Variants in TENM2 observed in about 807,000 individuals in gnomAD.
TENM2 encodes the protein teneurin-2.
Under a neutral mutation model 245.2 loss-of-function variants are expected in TENM2, and 52 were observed. The observed-to-expected ratio is 0.21, with a 90% confidence interval of 0.17 to 0.27. TENM2 has a LOEUF of 0.27. Among genes scored for constraint, TENM2 ranks in the 10% least tolerant of loss-of-function variants. TENM2 has a pLI of 1.00. For missense variants in TENM2, 3,046 were observed against 3,666.8 expected (o/e 0.83, Z 4.37); for synonymous variants, 1,363 against 1,438.9 (o/e 0.95, Z 1.19).
chr5:167,212,144 C>T, the TENM2 span, among the ~76,000 whole-genome samples: 4 of 152,046 alleles, frequency 2.6e-5, no homozygotes, highest in Non-Finnish European at 5.9e-5. Flanking sequence ...AGCCAGGAGA[C>T]CATATTTGAA....
chr5:167,572,759 C>A (rs1319494664), intron 2 of TENM2, among the ~76,000 whole-genome samples: 2 of 152,056 alleles, frequency 1.3e-5, no homozygotes, highest in African/African-American at 4.8e-5. Context: ...TTTTCGACTT[C>A]GTGTCAAAAA....
the TENM2 span, among the ~76,000 whole-genome samples, chr5:167,209,366 C>T: frequency 8.6e-5 from 13 of 151,612 alleles, no homozygotes; most frequent in South Asian, 2.1e-4. Flanking sequence ...CAGGTTCAAG[C>T]GATTCTCCTG....
chr5:167,482,378 A>G (rs886561907), intron 2 of TENM2, among the ~76,000 whole-genome samples: 1 of 152,184 alleles, frequency 6.6e-6, no homozygotes, highest in African/African-American at 2.4e-5. Context: ...TGGATGTGCC[A>G]TAATCTGAGT....
In TENM2 at chr5:168,118,932, A is replaced by G. The variant is rs1343425663; in HGVS notation, c.2008+446A>G. Among the ~76,000 whole-genome samples the G allele has an allele frequency of 2.0e-5, 3 of 152,212 alleles. No individual in the cohort carries two copies. In the South Asian group the frequency reaches 6.2e-4, roughly 32 times the overall value. On this transcript the variant is annotated intron_variant, in intron 10 of 28. Transcript: ENST00000518659. ...AGCTATTCAGAGAAAAGAAACAAGA[A>G]TTCCTAAGCCCCTTGCCTCCCTTCC...
chr5:167,370,235 G>A (rs1049570175), intron 1 of TENM2, among the ~76,000 whole-genome samples: 18 of 150,184 alleles, frequency 1.2e-4, no homozygotes, highest in African/African-American at 3.4e-4. Flanking sequence ...CCAGCTACTC[G>A]GGAGGCTGAG....
chr5:168,211,652 A>G (rs2152553595), intron 19 of TENM2, 82 bp from the exon 22 acceptor site: 1 of 943,634 alleles, frequency 1.1e-6, no homozygotes, highest in South Asian at 1.6e-5. Context: ...TATACAAGAA[A>G]CAAAAATGTT....
chr5:167,211,408 C>T, the TENM2 span, among the ~76,000 whole-genome samples: 2 of 152,222 alleles, frequency 1.3e-5, no homozygotes, highest in African/African-American at 4.8e-5. Context: ...TGATCCTCAA[C>T]TATCATTGAG....
intron 2 of TENM2, among the ~76,000 whole-genome samples, chr5:167,827,633 G>GT (rs1373910719): frequency 8.3e-6 from 1 of 120,030 alleles, no homozygotes; most frequent in Admixed American, 8.5e-5. Flanking sequence ...GTGGGCGGGG[G>GT]GGGGGGAACA....
At chr5:167,325,985 G>A (rs2127780142) in intron 1 of TENM2, among the ~76,000 whole-genome samples, 1 of 152,280 alleles carries the variant, frequency 6.6e-6, no homozygotes, top group South Asian at 2.1e-4. Flanking sequence ...CCCTTTACAT[G>A]GACCTGTCTG....
chr5:167,013,327 G>T, the TENM2 span, among the ~76,000 whole-genome samples: 131 of 152,152 alleles, frequency 8.6e-4, 1 homozygote, highest in Middle Eastern at 3.4e-3. Flanking sequence ...GAATCCTGTA[G>T]CACCCCATGT....
At chr5:167,492,227 G>A (rs1768476060) in intron 2 of TENM2, among the ~76,000 whole-genome samples, 1 of 151,992 alleles carries the variant, frequency 6.6e-6, no homozygotes, top group Non-Finnish European at 1.5e-5. Flanking sequence ...GGCAGTATAG[G>A]GTAGTGGTTA....
At chr5:168,110,475 A>G (rs879073359) in intron 9 of TENM2, among the ~76,000 whole-genome samples, 5 of 152,224 alleles carry the variant, frequency 3.3e-5, no homozygotes, top group Admixed American at 2.6e-4. Flanking sequence ...CAAAGTGTCC[A>G]TAGTCACACA....
At chr5:168,245,164 C>A (rs1020022874) in intron 26 of TENM2, among the ~76,000 whole-genome samples, 1 of 143,992 alleles carries the variant, frequency 6.9e-6, no homozygotes, top group Non-Finnish European at 1.5e-5. Flanking sequence ...CTGCTCCCAC[C>A]CTCACAGAGG....
chr5:167,142,523 C>G, the TENM2 span, among the ~76,000 whole-genome samples: 1 of 151,632 alleles, frequency 6.6e-6, no homozygotes, highest in Non-Finnish European at 1.5e-5. Flanking sequence ...ATAGAAGTAT[C>G]ATTCAATCTC....
At chr5:167,212,036 C>T in the TENM2 span, among the ~76,000 whole-genome samples, 4 of 152,142 alleles carry the variant, frequency 2.6e-5, no homozygotes, top group African/African-American at 9.7e-5. Context: ...CACATCAGAG[C>T]GTTTCTCATA....
At chr5:167,832,571 A>C (rs1275311441) in intron 2 of TENM2, among the ~76,000 whole-genome samples, 1 of 152,178 alleles carries the variant, frequency 6.6e-6, no homozygotes, top group Non-Finnish European at 1.5e-5. Context: ...GTTAGCATAT[A>C]TGTGCAAGTG....
chr5:167,724,820 G>A lies in TENM2; in HGVS notation c.503-151166G>A, dbSNP rs1461411263. ...CAGTAGCTTGATGGTTTGGGGAACA[G>A]AAGGAAGACTGTCGAGCCCGCAGTC... On this transcript the variant is annotated intron_variant, in intron 2 of 28. Coordinates refer to ENST00000518659, the Ensembl canonical transcript of TENM2. Among the ~76,000 whole-genome samples the A allele has an allele frequency of 2.6e-5, 4 of 152,196 alleles. No homozygotes were observed. In the East Asian group the frequency reaches 7.7e-4, roughly 29 times the overall value.
chr5:168,162,817 C>A, intron 13 of TENM2, 60 bp downstream of exon 15: 1 of 1,575,792 alleles, frequency 6.3e-7, no homozygotes. Flanking sequence ...ATGCTTTTGT[C>A]ATAAGTCATT....
chr5:167,723,243 C>T (rs1219234092), intron 2 of TENM2, among the ~76,000 whole-genome samples: 1 of 152,108 alleles, frequency 6.6e-6, no homozygotes, highest in Admixed American at 6.5e-5. Context: ...TGGTGACTTT[C>T]CTTATATTCA....
Sources: gnomAD v4.1 joint callset for allele counts (sites outside exome capture counted in the v4.1 genomes callset) on GRCh38, gnomAD v4.1.1 for gene constraint, MANE v1.5 for transcripts, NCBI Gene and HGNC (gene_info 2026-07-23, HGNC 2026-07-21) for gene names.